The following PRB2 variants were observed in gnomAD, a reference collection of about 807,000 sequenced individuals.
The protein encoded by PRB2 is proline rich protein BstNI subfamily 2.
Under a neutral mutation model 8.3 loss-of-function variants are expected in PRB2, and 12 were observed. The ratio of observed to expected loss-of-function variants is 1.45; its 90% CI spans 0.93 to 2.35. PRB2 has a LOEUF of 2.35. PRB2 is among the 30% of genes most tolerant of loss of function. PRB2 has a pLI of 0.00. For synonymous variants in PRB2, 146 were observed against 180.0 expected (o/e 0.81, Z 1.51); for missense variants, 470 against 507.0 (o/e 0.93, Z 0.70).
In PRB2 at chr12:11,394,527, A is replaced by G; in HGVS notation, c.68T>C (p.Val23Ala). Residue 23 changes from valine to alanine, a missense_variant, in exon 2 of 4, where the codon GTC (valine) becomes GCC (alanine). By Grantham distance (64) the Val-to-Ala change is moderately conservative. Around this residue, in one of 4 missense-constraint regions of PRB2, gnomAD observed 211 missense variants for 207.7 expected, o/e 1.02. Coordinates refer to ENST00000389362, the MANE Select transcript of PRB2 (RefSeq NM_006248.4). ...TAGGGAGGGAGATTCTTCCTGGCTGACATCTAGAAGAGAAGCACAGGATGA... is the reference window on the plus strand; with the variant it reads ...TAGGGAGGGAGATTCTTCCTGGCTGGCATCTAGAAGAGAAGCACAGGATGA... ...LSSAQNLNED[V>A]SQEESPSLIA... 1 of 1,613,438 alleles carries G rather than the reference A, an allele frequency of 6.2e-7. No individual in the cohort carries two copies. The highest frequency in any genetic ancestry group is 8.5e-7 in the Non-Finnish European group (1 of 1,179,364).
intron 1 of PRB2, among the ~76,000 whole-genome samples, chr12:11,395,046 T>G (rs1160453518): frequency 6.6e-6 from 1 of 152,148 alleles, no homozygotes; most frequent in East Asian, 1.9e-4. Context: ...TCCAATTCTC[T>G]GTCTCTGCAG....
chr12:11,393,399 G>T lies in PRB2; in HGVS notation c.679C>A (p.Gln227Lys). The change falls in exon 3 of 4, where the codon CAA (glutamine) becomes AAA (lysine). Residue 227 changes from glutamine (Q) to lysine (K), a missense_variant. Around this residue, in one of 4 missense-constraint regions of PRB2, gnomAD observed 37 missense variants for 66.0 expected, o/e 0.56. Coordinates refer to ENST00000389362, the MANE Select transcript of PRB2 (RefSeq NM_006248.4). ...PPGKPQGPPPQGDNKSQSARS... is the reference protein window; with the variant it reads ...PPGKPQGPPPKGDNKSQSARS... Reference sequence around the variant, plus strand: ...GCACTTTGGGACTTGTTGTCTCCTTGTGGGGGTGGTCCTTGTGGCTTTCCT... The same window carrying T: ...GCACTTTGGGACTTGTTGTCTCCTTTTGGGGGTGGTCCTTGTGGCTTTCCT... The T allele has an allele frequency of 6.3e-7, 1 of 1,587,714 alleles. No homozygotes were observed. The highest frequency in any genetic ancestry group is 1.7e-4 in the Middle Eastern group (1 of 6,000).
In PRB2 at chr12:11,393,092, G is replaced by A. The variant is rs1864341035; in HGVS notation, c.986C>T (p.Pro329Leu). 5 of 1,580,604 alleles carry A rather than the reference G, an allele frequency of 3.2e-6. No individual in the cohort carries two copies. The highest frequency in any genetic ancestry group is 3.5e-5 in the Admixed American group (2 of 57,668). ...TTGAGGTTTGTTGCCTCCTTGTGGG[G>A]GTGGTCCTTGTGGCTTTCCTGGAGG... ...PPPPGKPQGPPPQGGNKPQGP... is the reference protein window; with the variant it reads ...PPPPGKPQGPLPQGGNKPQGP... The change falls in exon 3 of 4, where the codon CCC (proline) becomes CTC (leucine). Residue 329 changes from proline (P) to leucine (L), a missense_variant. This residue lies in a region of PRB2 where 205 missense variants were observed against 195.0 expected (regional missense o/e 1.05). Transcript: ENST00000389362.
rs76832300 is a variant in PRB2, at chr12:11,393,752, C to T, written c.326G>A (p.Arg109Gln). Residue 109 changes from arginine to glutamine, a missense_variant, in exon 3 of 4, where the codon CGA (arginine) becomes CAA (glutamine). Around this residue, in one of 4 missense-constraint regions of PRB2, gnomAD observed 211 missense variants for 207.7 expected, o/e 1.02. Coordinates refer to ENST00000389362, the MANE Select transcript of PRB2 (RefSeq NM_006248.4). The stretch of plus-strand genomic sequence containing the variant: ...CTTTCCTGGAGGAGATCGGGGACTT[C>T]GGGACTTGTCTCCTTGTGGGGGTGG... The part of the protein sequence containing the change: ...QGPPPQGDKS[R>Q]SPRSPPGKPQ... 5,017 of 459,930 alleles carry T rather than the reference C, an allele frequency of 0.011. 56 individuals carry two copies. Among genetic ancestry groups the T allele is most frequent in the Middle Eastern group, 0.019 (37 of 1,974 alleles). 28.5% of individuals were successfully genotyped at this position (459,930 alleles called of 1,614,324 possible). A position where few individuals can be genotyped will look rare whatever the true frequency, so the allele number is the denominator to read the frequency against.
In PRB2 at chr12:11,393,321, G is replaced by T; in HGVS notation, c.757C>A (p.Pro253Thr). Reference protein sequence around the residue: ...QGPPPQGGNQPQGPPPPPGKP... With the variant: ...QGPPPQGGNQTQGPPPPPGKP... ...CCTGGAGGAGGTGGGGGACCTTGGG[G>T]CTGGTTGCCTCCTTGTGGGGGTGGT... The change falls in exon 3 of 4, where the codon CCC (proline) becomes ACC (threonine). Residue 253 changes from proline to threonine, a missense_variant. Pro to Thr is a conservative substitution (Grantham distance 38). Around this residue, in one of 4 missense-constraint regions of PRB2, gnomAD observed 205 missense variants for 195.0 expected, o/e 1.05. Coordinates refer to ENST00000389362, the MANE Select transcript of PRB2 (RefSeq NM_006248.4). 1 of 1,537,242 alleles carries T rather than the reference G, an allele frequency of 6.5e-7. No homozygotes were observed. The highest frequency in any genetic ancestry group is 8.7e-7 in the Non-Finnish European group (1 of 1,150,100).
At chr12:11,394,380 A>T (rs1486851773) in intron 2 of PRB2, 115 bp downstream of exon 2, 2 of 1,287,722 alleles carry the variant, frequency 1.6e-6, no homozygotes, top group Non-Finnish European at 2.3e-6. Context: ...TATTAGGAGC[A>T]CTAACATTAA....
In PRB2 at chr12:11,395,494, G is replaced by C; in HGVS notation, c.36C>G (p.Ala12=). 1 of 1,613,492 alleles carries C rather than the reference G, an allele frequency of 6.2e-7. No homozygotes were observed. Among genetic ancestry groups the C allele is most frequent in the Admixed American group, 1.7e-5 (1 of 59,978 alleles). ...CATTTAAGTTCTGAGCTGAGCTCAG[G>C]GCCAGCAAGGCCACTGACAGCAGAA... ...LLILLSVALL[A]LSSAQNLNED... The change falls in exon 1 of 4, where the codon GCC becomes GCG. Residue 12 remains alanine (A), a synonymous_variant. Transcript: ENST00000389362.
Position 11,394,081 on chromosome 12 carries a change from G to A in PRB2, c.101-104C>T. 3.4e-6 allele frequency: 5 copies of A among 1,452,274 alleles called. No individual in the cohort carries two copies. In the East Asian group the frequency reaches 6.8e-5, roughly 20 times the overall value. The allele number at this position is 1,452,274 out of a possible 1,614,324, so 90.0% of individuals were successfully genotyped here. A position where few individuals can be genotyped will look rare whatever the true frequency, so the allele number is the denominator to read the frequency against. On this transcript the variant is annotated intron_variant, in intron 2 of 3. Coordinates refer to ENST00000389362, the MANE Select transcript of PRB2 (RefSeq NM_006248.4). Reference sequence around the variant, plus strand: ...CAGTTTGGGTAACAAGCTGAGTGGGGAAACACACAAAAATGAGACCAAGAC... The same window carrying A: ...CAGTTTGGGTAACAAGCTGAGTGGGAAAACACACAAAAATGAGACCAAGAC...
chr12:11,394,001 A>G, intron 2 of PRB2, 24 bp from the exon 3 acceptor site: 5 of 1,613,930 alleles, frequency 3.1e-6, no homozygotes, highest in Non-Finnish European at 4.2e-6. Flanking sequence ...AGAGAAGAGA[A>G]AGACAGAGTA....
At position 11,393,317 on chromosome 12, in the gene PRB2, T is replaced by C. The variant is rs766601430; in HGVS notation, c.761A>G (p.Gln254Arg). The change falls in exon 3 of 4, where the codon CAA (glutamine) becomes CGA (arginine). Residue 254 changes from glutamine (Q) to arginine (R), a missense_variant. Physicochemically the swap from Gln to Arg is conservative, Grantham distance 43. Around this residue, in one of 4 missense-constraint regions of PRB2, gnomAD observed 205 missense variants for 195.0 expected, o/e 1.05. Transcript: ENST00000389362. ...CTTTCCTGGAGGAGGTGGGGGACCT[T>C]GGGGCTGGTTGCCTCCTTGTGGGGG... ...GPPPQGGNQPQGPPPPPGKPQ... is the reference protein window; with the variant it reads ...GPPPQGGNQPRGPPPPPGKPQ... 8.8e-6 allele frequency: 13 copies of C among 1,484,252 alleles called. No homozygotes were observed. Among genetic ancestry groups the C allele is most frequent in the Non-Finnish European group, 1.2e-5 (13 of 1,118,916 alleles). 91.9% of individuals were successfully genotyped at this position (1,484,252 alleles called of 1,614,324 possible).
rs760000974 is a variant in PRB2, at chr12:11,393,065, C to T, written c.1013G>A (p.Gly338Asp). The change falls in exon 3 of 4, where the codon GGT (glycine) becomes GAT (aspartate). Residue 338 changes from glycine (G) to aspartate (D), a missense_variant. Physicochemically the swap from Gly to Asp is moderately conservative, Grantham distance 94 (BLOSUM62 -1). Transcript: ENST00000389362. The stretch of plus-strand genomic sequence containing the variant: ...TTGTGGCTTTCCTGGAGGTGGGGGA[C>T]CTTGAGGTTTGTTGCCTCCTTGTGG... Reference protein sequence around the residue: ...PPPQGGNKPQGPPPPGKPQGP... With the variant: ...PPPQGGNKPQDPPPPGKPQGP... The T allele has an allele frequency of 6.7e-7, 1 of 1,503,270 alleles. No individual in the cohort carries two copies. The highest frequency in any genetic ancestry group is 1.2e-5 in the South Asian group (1 of 86,628). 93.1% of individuals were successfully genotyped at this position (1,503,270 alleles called of 1,614,324 possible). A position where few individuals can be genotyped will look rare whatever the true frequency, so the allele number is the denominator to read the frequency against.
At chr12:11,395,214 CA>C (rs1864390858) in intron 1 of PRB2, among the ~76,000 whole-genome samples, 1 of 151,808 alleles carries the variant, frequency 6.6e-6, no homozygotes, top group Non-Finnish European at 1.5e-5. Flanking sequence ...TCCTTCACAG[CA>C]CAGTTCTATC....
rs1864343083 is a variant in PRB2 at position 11,393,175 on chromosome 12, T to C, written c.903A>G (p.Pro301=). 1.9e-6 allele frequency: 3 copies of C among 1,598,262 alleles called. No homozygotes were observed. The highest frequency in any genetic ancestry group is 1.7e-5 in the Admixed American group (1 of 58,680). The change falls in exon 3 of 4, where the codon CCA becomes CCG. Residue 301 remains proline (P), a synonymous_variant. Coordinates refer to ENST00000389362, the MANE Select transcript of PRB2 (RefSeq NM_006248.4). Reference sequence around the variant, plus strand: ...GTGGGGGTGGTCCTTGTGGCTTTCCTGGAGGAGATCGAGAACTTCGGGACT... The same window carrying C: ...GTGGGGGTGGTCCTTGTGGCTTTCCCGGAGGAGATCGAGAACTTCGGGACT... ...GSKSRSSRSP[P]GKPQGPPPQG... is the part of the protein sequence containing the mutation.
intron 2 of PRB2, 138 bp from the exon 3 acceptor site, chr12:11,394,115 C>A (rs1656185217): frequency 5.5e-6 from 7 of 1,261,710 alleles, no homozygotes; most frequent in East Asian, 2.4e-5. Context: ...ACATTAATTT[C>A]TTTGCATTTC....
At chr12:11,394,276 C>A (rs1864373013) in intron 2 of PRB2, among the ~76,000 whole-genome samples, 1 of 152,156 alleles carries the variant, frequency 6.6e-6, no homozygotes, top group Non-Finnish European at 1.5e-5. Flanking sequence ...AGGTAACCCA[C>A]TCCTGCTGTC....
intron 1 of PRB2, 25 bp downstream of exon 1, chr12:11,395,441 A>T: frequency 6.2e-7 from 1 of 1,613,686 alleles, no homozygotes; most frequent in Non-Finnish European, 8.5e-7. Flanking sequence ...CAGAGTCACC[A>T]CATCTTCTCC....
At chr12:11,394,391 T>C in intron 2 of PRB2, 104 bp downstream of exon 2, 1 of 1,381,930 alleles carries the variant, frequency 7.2e-7, no homozygotes, top group Non-Finnish European at 1.0e-6. Context: ...CTAACATTAA[T>C]CAATTCCCGA....
At chr12:11,395,078 C>G (rs572844279) in intron 1 of PRB2, among the ~76,000 whole-genome samples, 6 of 152,042 alleles carry the variant, frequency 3.9e-5, no homozygotes, top group Non-Finnish European at 8.8e-5. Flanking sequence ...CTGTGTGTGT[C>G]TATCGCCGTC....
Position 11,393,290 on chromosome 12 carries a change from G to A in PRB2, c.788C>T (p.Pro263Leu), listed in dbSNP as rs1470485190. The change falls in exon 3 of 4, where the codon CCA (proline) becomes CTA (leucine). Residue 263 changes from proline (P) to leucine (L), a missense_variant. This residue lies in a region of PRB2 where 205 missense variants were observed against 195.0 expected (regional missense o/e 1.05). Coordinates refer to ENST00000389362, the MANE Select transcript of PRB2 (RefSeq NM_006248.4). ...GCCTCCTTGTGGGGGTGGTCCTTGT[G>A]GCTTTCCTGGAGGAGGTGGGGGACC... ...PQGPPPPPGK[P>L]QGPPPQGGNK... 5.3e-6 allele frequency: 7 copies of A among 1,321,416 alleles called. No homozygotes were observed. Among genetic ancestry groups the A allele is most frequent in the African/African-American group, 2.7e-5 (1 of 37,378 alleles). 81.9% of individuals were successfully genotyped at this position (1,321,416 alleles called of 1,614,324 possible).
Sources: gnomAD v4.1 joint callset for allele counts (sites outside exome capture counted in the v4.1 genomes callset) on GRCh38, gnomAD v4.1.1 for gene constraint, gnomAD v4.1.1 regional missense constraint, MANE v1.5 for transcripts, NCBI Gene and HGNC (gene_info 2026-07-23, HGNC 2026-07-21) for gene names.